The following S100A2 variants were observed in gnomAD, a reference collection of about 807,000 sequenced individuals.
S100A2 encodes S100 calcium binding protein A2.
Under a neutral mutation model 4.3 loss-of-function variants are expected in S100A2, and 5 were observed. The ratio of observed to expected loss-of-function variants is 1.16; its 90% confidence interval spans 0.61 to 2.44. The LOEUF (loss-of-function observed/expected upper bound fraction) is 2.44, where lower values mean the gene tolerates loss of function less well. S100A2 is among the 30% of genes most tolerant of loss of function. The probability of loss-of-function intolerance (pLI) is 0.01; values close to 1 mark genes in which losing one functional copy is unlikely to be tolerated. For missense variants in S100A2, 103 were observed against 114.7 expected (o/e 0.90, Z 0.47); for synonymous variants, 44 against 46.0 (o/e 0.96, Z 0.17).
intron 1 of S100A2, 56 bp from the exon 2 acceptor site, chr1:153,563,943 G>GC: frequency 6.4e-7 from 1 of 1,559,888 alleles, no homozygotes; most frequent in Non-Finnish European, 8.7e-7. Context: ...CCTTAGCTCA[G>GC]CCTGTAGGAT....
At chr1:153,563,614 G>C (rs1362893559) in intron 2 of S100A2, 120 bp downstream of exon 2, 2 of 1,566,064 alleles carry the variant, frequency 1.3e-6, no homozygotes, top group Non-Finnish European at 1.7e-6. Flanking sequence ...AGCTAAAGTG[G>C]GGAGGGGGCT....
At chr1:153,561,691 C>T (rs1665899166) in intron 2 of S100A2, 100 bp from the exon 3 acceptor site, 3 of 1,552,398 alleles carry the variant, frequency 1.9e-6, no homozygotes, top group African/African-American at 2.7e-5. Context: ...CCCAGCTCTC[C>T]CTCCCCACTG....
Position 153,561,446 on chromosome 1 carries a change from C to G in S100A2, c.290G>C (p.Arg97Pro), listed in dbSNP as rs566181954. 9.3e-6 allele frequency: 15 copies of G among 1,612,344 alleles called. No homozygotes were observed. In the South Asian group the frequency reaches 1.5e-4, roughly 17 times the overall value. The part of the protein sequence containing the change: ...CNDFFQGCPD[R>P]P ...GAAGTCAAGAGTTCTGCTTCAGGGT[C>G]GGTCTGGGCAGCCCTGGAAGAAGTC... The change falls in exon 3 of 3, where the codon CGA becomes CCA. Residue 97 changes from arginine to proline, a missense_variant. Physicochemically the swap from Arg to Pro is moderately radical, Grantham distance 103. Transcript: ENST00000368708.
rs1254992696 is a variant in S100A2 at position 153,564,080 on chromosome 1, G to C, written c.-10-193C>G. The C allele has an allele frequency of 5.4e-6, 3 of 550,504 alleles. No homozygotes were observed. In the African/African-American group the frequency reaches 5.7e-5, roughly 11 times the overall value. 34.1% of individuals were successfully genotyped at this position (550,504 alleles called of 1,614,324 possible). On this transcript the variant is annotated intron_variant, in intron 1 of 2. Transcript: ENST00000368708. ...AGGCGATACCTCCATCTCACCCTGA[G>C]GGCAGACGCTAAAGCTTCCCTTGTG...
At chr1:153,564,670 T>G (rs1665968985) in intron 1 of S100A2, among the ~76,000 whole-genome samples, 2 of 151,852 alleles carry the variant, frequency 1.3e-5, no homozygotes, top group South Asian at 4.2e-4. Flanking sequence ...CTGGAAAGGT[T>G]AGGCAGGTTT....
At chr1:153,563,670 G>C (rs1557899420) in intron 2 of S100A2, 64 bp downstream of exon 2, 3 of 1,590,406 alleles carry the variant, frequency 1.9e-6, no homozygotes, top group Non-Finnish European at 2.6e-6. Flanking sequence ...GGAACTGGGG[G>C]AGAGATTTAA....
intron 2 of S100A2, among the ~76,000 whole-genome samples, chr1:153,563,033 A>G (rs6671398): frequency 0.18 from 27,207 of 150,660 alleles, 5,695 homozygotes; most frequent in African/African-American, 0.51. Context: ...CAGCACTTTC[A>G]GAGGCCGAGG....
rs1665888893 is a variant in S100A2 at position 153,561,298 on chromosome 1, G to A, written c.*141C>T. ...GAGGCCCTCATCTCCCAGCACTCCA[G>A]CTGAGCCAGCCGGGTTATGGAACAT... is the stretch of plus-strand genomic sequence containing the variant. On this transcript the variant is annotated 3_prime_UTR_variant, in exon 3 of 3. Transcript: ENST00000368708. The A allele has an allele frequency of 1.9e-6, 2 of 1,065,254 alleles. No individual in the cohort carries two copies. Among genetic ancestry groups the A allele is most frequent in the Admixed American group, 4.8e-5 (2 of 41,742 alleles). 66.0% of individuals were successfully genotyped at this position (1,065,254 alleles called of 1,614,324 possible).
intron 1 of S100A2, among the ~76,000 whole-genome samples, chr1:153,564,848 A>C (rs1665972217): frequency 6.9e-6 from 1 of 145,576 alleles, no homozygotes; most frequent in Non-Finnish European, 1.5e-5. Flanking sequence ...AGAATCCAGG[A>C]CTTTGCAAAA....
At chr1:153,563,937 A>G (rs1665953211) in intron 1 of S100A2, 50 bp from the exon 2 acceptor site, 2 of 1,575,400 alleles carry the variant, frequency 1.3e-6, no homozygotes, top group South Asian at 1.2e-5. Context: ...TTGGGGCCTT[A>G]GCTCAGCCTG....
Position 153,561,611 on chromosome 1 carries a change from C to T in S100A2, c.145-20G>A. The stretch of plus-strand genomic sequence containing the variant: ...TTTCTCCTGAAAGTGACAGGAAATA[C>T]ACTCATCACCAAGCCAGCCCCAACC... On this transcript the variant is annotated intron_variant, in intron 2 of 2. Coordinates refer to ENST00000368708, the MANE Select transcript of S100A2 (RefSeq NM_005978.4). The T allele has an allele frequency of 6.2e-7, 1 of 1,613,994 alleles. No individual in the cohort carries two copies. Among genetic ancestry groups the T allele is most frequent in the Non-Finnish European group, 8.5e-7 (1 of 1,180,028 alleles).
chr1:153,562,762 G>A (rs1665921477), intron 2 of S100A2, among the ~76,000 whole-genome samples: 1 of 152,024 alleles, frequency 6.6e-6, no homozygotes, highest in Non-Finnish European at 1.5e-5. Context: ...AGGCCGAGGT[G>A]GGAGGATTGC....
rs1296962556 is a variant in S100A2 at position 153,563,821 on chromosome 1, C to T, written c.57G>A (p.Lys19=). Residue 19 remains lysine, a synonymous_variant, in exon 2 of 3, where the codon AAG becomes AAA. Coordinates refer to ENST00000368708, the MANE Select transcript of S100A2 (RefSeq NM_005978.4). ...ACTTGTCGCCCTCTTGGCAGGAGTA[C>T]TTGTGGAAGGTAGTGACCAGCACAG... ...ALAVLVTTFH[K]YSCQEGDKFK... 14 of 1,614,208 alleles carry T rather than the reference C, an allele frequency of 8.7e-6. No individual in the cohort carries two copies. The highest frequency in any genetic ancestry group is 1.2e-5 in the Non-Finnish European group (14 of 1,180,026).
chr1:153,561,678 G>T, intron 2 of S100A2, 87 bp from the exon 3 acceptor site: 1 of 1,596,952 alleles, frequency 6.3e-7, no homozygotes, highest in South Asian at 1.1e-5. Context: ...ATTCAGGTTG[G>T]TTCCCAGCTC....
chr1:153,563,275 G>A (rs1665934480), intron 2 of S100A2: 2 of 794,404 alleles, frequency 2.5e-6, no homozygotes, highest in African/African-American at 3.5e-5. Context: ...AGGAGGCTGA[G>A]ACAGGAGAAT....
chr1:153,561,463 G>A lies in S100A2; in HGVS notation c.273C>T (p.Phe91=), dbSNP rs1291029975. Reference sequence around the variant, plus strand: ...TTCAGGGTCGGTCTGGGCAGCCCTGGAAGAAGTCATTGCACATGACAGTGA... The same window carrying A: ...TTCAGGGTCGGTCTGGGCAGCCCTGAAAGAAGTCATTGCACATGACAGTGA... ...ALITVMCNDF[F]QGCPDRP The change falls in exon 3 of 3, where the codon TTC becomes TTT. Residue 91 remains phenylalanine, a synonymous_variant. Transcript: ENST00000368708. 7 of 1,614,032 alleles carry A rather than the reference G, an allele frequency of 4.3e-6. No individual in the cohort carries two copies. Among genetic ancestry groups the A allele is most frequent in the Non-Finnish European group, 5.9e-6 (7 of 1,179,998 alleles).
At chr1:153,562,450 C>CT (rs1381226386) in intron 2 of S100A2, among the ~76,000 whole-genome samples, 1 of 152,136 alleles carries the variant, frequency 6.6e-6, no homozygotes, top group African/African-American at 2.4e-5. Context: ...CTGAAAAACA[C>CT]TTTTTTAATA....
At chr1:153,562,408 T>C (rs190954604) in intron 2 of S100A2, among the ~76,000 whole-genome samples, 2 of 151,900 alleles carry the variant, frequency 1.3e-5, no homozygotes, top group African/African-American at 4.9e-5. Context: ...TCCCACACTG[T>C]GGGGATTACA....
At position 153,564,103 on chromosome 1, in the gene S100A2, G is replaced by A. The variant is rs551632197; in HGVS notation, c.-10-216C>T. On this transcript the variant is annotated intron_variant, in intron 1 of 2. Coordinates refer to ENST00000368708, the MANE Select transcript of S100A2 (RefSeq NM_005978.4). ...GAGGGCAGACGCTAAAGCTTCCCTTGTGTCTGGGAGTCACCAAGCCTCCTC... is the reference window on the plus strand; with the variant it reads ...GAGGGCAGACGCTAAAGCTTCCCTTATGTCTGGGAGTCACCAAGCCTCCTC... 1.2e-5 allele frequency: 6 copies of A among 492,504 alleles called. No individual in the cohort carries two copies. In the East Asian group the frequency reaches 1.6e-4, roughly 14 times the overall value. 30.5% of individuals were successfully genotyped at this position (492,504 alleles called of 1,614,324 possible).
Sources: gnomAD v4.1 joint callset for allele counts (sites outside exome capture counted in the v4.1 genomes callset) on GRCh38, gnomAD v4.1.1 for gene constraint, MANE v1.5 for transcripts, NCBI Gene and HGNC (gene_info 2026-07-23, HGNC 2026-07-21) for gene names.